The following FER variants were observed in gnomAD, a reference collection of about 807,000 sequenced individuals.
FER encodes the protein tyrosine-protein kinase Fer.
A neutral mutation model predicts 111.0 loss-of-function variants in FER; 63 were observed. The ratio of observed to expected loss-of-function variants is 0.57; its 90% CI spans 0.46 to 0.70. The LOEUF is 0.70. Ranked by LOEUF, FER falls within the 30% of genes least tolerant of loss-of-function variation. The pLI is 0.00. For synonymous variants in FER, 327 were observed against 313.9 expected (o/e 1.04, Z -0.44); for missense variants, 914 against 954.0 (o/e 0.96, Z 0.55).
At chr5:108,792,131 G>A (rs115094451) in intron 2 of FER, among the ~76,000 whole-genome samples, 203 of 152,122 alleles carry the variant, frequency 1.3e-3, no homozygotes, top group African/African-American at 4.3e-3. Flanking sequence ...TTCCAACTTC[G>A]TGCCTCTTTT....
chr5:108,886,007 A>C (rs920971013), intron 9 of FER, among the ~76,000 whole-genome samples: 3 of 151,924 alleles, frequency 2.0e-5, no homozygotes, highest in Admixed American at 6.6e-5. Flanking sequence ...TTTATAGATG[A>C]CCAAGTGGTT....
At chr5:108,917,383 A>G (rs1561611786) in intron 10 of FER, among the ~76,000 whole-genome samples, 1 of 152,196 alleles carries the variant, frequency 6.6e-6, no homozygotes, top group Non-Finnish European at 1.5e-5. Context: ...GGAGTAAAAC[A>G]AGCATGGACT....
chr5:108,923,631 A>G (rs924721728), intron 10 of FER, among the ~76,000 whole-genome samples: 3 of 152,218 alleles, frequency 2.0e-5, no homozygotes, highest in African/African-American at 7.2e-5. Context: ...TTAACAAATC[A>G]TTATAGAATA....
intron 16 of FER, among the ~76,000 whole-genome samples, chr5:109,058,454 G>T (rs925318677): frequency 1.3e-5 from 2 of 151,846 alleles, no homozygotes; most frequent in African/African-American, 4.8e-5. Context: ...AATTAAAATG[G>T]TAAGATACTG....
chr5:109,064,858 A>G (rs541294724), intron 16 of FER, among the ~76,000 whole-genome samples: 2 of 152,324 alleles, frequency 1.3e-5, no homozygotes, highest in Admixed American at 1.3e-4. Context: ...CTTTAAAGGT[A>G]CTGTGAGTTT....
intron 18 of FER, among the ~76,000 whole-genome samples, chr5:109,185,873 A>G (rs1252058639): frequency 6.6e-6 from 1 of 152,268 alleles, no homozygotes; most frequent in Non-Finnish European, 1.5e-5. Context: ...GTATACTTAC[A>G]GAAACCAAGT....
intron 9 of FER, among the ~76,000 whole-genome samples, chr5:108,895,478 C>A (rs1239935709): frequency 6.6e-6 from 1 of 152,122 alleles, no homozygotes; most frequent in Non-Finnish European, 1.5e-5. Context: ...GAATTTGCTT[C>A]CTTTGCCTTT....
At chr5:108,917,689 C>G (rs1008759625) in intron 10 of FER, among the ~76,000 whole-genome samples, 1 of 152,088 alleles carries the variant, frequency 6.6e-6, no homozygotes, top group African/African-American at 2.4e-5. Flanking sequence ...TAGAGTCAAA[C>G]AAATGATTAA....
intron 17 of FER, among the ~76,000 whole-genome samples, chr5:109,145,902 A>G (rs1754044952): frequency 6.6e-6 from 1 of 151,478 alleles, no homozygotes; most frequent in Non-Finnish European, 1.5e-5. Flanking sequence ...ATATCTTACA[A>G]TTTATAAGCT....
intron 13 of FER, among the ~76,000 whole-genome samples, chr5:109,035,033 CTTT>C (rs554716544): frequency 6.7e-5 from 8 of 119,660 alleles, no homozygotes; most frequent in African/African-American, 1.6e-4. Flanking sequence ...AGAAATTGAA[CTTT>C]TTTTTTTTTT....
intron 17 of FER, among the ~76,000 whole-genome samples, chr5:109,143,344 G>A (rs1236837793): frequency 1.3e-5 from 2 of 152,134 alleles, no homozygotes; most frequent in Admixed American, 6.6e-5. Flanking sequence ...CTAAAAGATA[G>A]ATTGTCTAAT....
intron 11 of FER, among the ~76,000 whole-genome samples, chr5:108,947,529 A>C (rs1757146134): frequency 6.6e-6 from 1 of 151,916 alleles, no homozygotes; most frequent in South Asian, 2.1e-4. Context: ...TATTCTTTGC[A>C]CATTTTAAAA....
intron 8 of FER, among the ~76,000 whole-genome samples, chr5:108,881,033 A>G (rs1467275476): frequency 6.6e-6 from 1 of 152,188 alleles, no homozygotes; most frequent in East Asian, 1.9e-4. Context: ...GGAGTAAACT[A>G]TGAAAGACTT....
chr5:108,840,761 T>A (rs1761180780), intron 5 of FER, among the ~76,000 whole-genome samples: 1 of 152,164 alleles, frequency 6.6e-6, no homozygotes, highest in Non-Finnish European at 1.5e-5. Flanking sequence ...GCACATAAAG[T>A]TGGCTTGTCT....
intron 17 of FER, among the ~76,000 whole-genome samples, chr5:109,147,794 TATATATAG>T (rs1554148846): frequency 0.045 from 5,985 of 133,220 alleles, 131 homozygotes; most frequent in African/African-American, 0.059. Context: ...TATATATATA[TATATATAG>T]AGAGAGAGAG....
intron 13 of FER, among the ~76,000 whole-genome samples, chr5:109,029,464 G>A (rs1359983652): frequency 1.7e-5 from 2 of 116,034 alleles, no homozygotes; most frequent in Non-Finnish European, 3.4e-5. Context: ...TAGAGAAAGA[G>A]TCCCACTTTG....
intron 17 of FER, among the ~76,000 whole-genome samples, chr5:109,144,715 A>T (rs1753888529): frequency 6.6e-6 from 1 of 152,068 alleles, no homozygotes; most frequent in South Asian, 2.1e-4. Context: ...TAAGGGCCAG[A>T]GAGATGTTAC....
intron 10 of FER, among the ~76,000 whole-genome samples, chr5:108,907,536 A>G (rs1436970640): frequency 1.3e-5 from 2 of 150,858 alleles, no homozygotes; most frequent in Non-Finnish European, 3.0e-5. Context: ...TTAGGGATCC[A>G]CCCGCCTCGG....
At chr5:109,001,580 G>A (rs942519769) in intron 13 of FER, among the ~76,000 whole-genome samples, 2 of 152,116 alleles carry the variant, frequency 1.3e-5, no homozygotes, top group Admixed American at 1.3e-4. Flanking sequence ...GCACAAGACA[G>A]GGATGCCCTC....
Sources: allele counts gnomAD v4.1 joint callset (sites outside exome capture counted in the v4.1 genomes callset), GRCh38; gene constraint gnomAD v4.1.1; transcripts MANE v1.5; gene names NCBI Gene and HGNC (gene_info 2026-07-23, HGNC 2026-07-21).